CFAP263: variants seen among roughly 807,000 people sequenced by gnomAD.
The protein encoded by CFAP263 is cilia and flagella associated protein 263.
chr16:58,258,137 C>T, the CFAP263 span, among the ~76,000 whole-genome samples: 2 of 151,516 alleles, frequency 1.3e-5, no homozygotes, highest in African/African-American at 4.9e-5. Context: ...AGATAGATAC[C>T]TGACACCTGT....
chr16:58,279,573 C>T, the CFAP263 span: 3 of 800,406 alleles, frequency 3.7e-6, no homozygotes, highest in African/African-American at 5.2e-5. Flanking sequence ...GTTGCCTGCA[C>T]CATCACGGGG....
the CFAP263 span, among the ~76,000 whole-genome samples, chr16:58,255,569 TTTC>T: frequency 6.6e-6 from 1 of 151,620 alleles, no homozygotes; most frequent in Admixed American, 6.6e-5. Context: ...TCAGCATTTC[TTTC>T]TTTTTTTTTT....
chr16:58,278,580 A>T, the CFAP263 span: 1 of 1,614,220 alleles, frequency 6.2e-7, no homozygotes, highest in Admixed American at 1.7e-5. Context: ...AGAAGATCTT[A>T]AATGCGGACC....
the CFAP263 span, among the ~76,000 whole-genome samples, chr16:58,268,926 T>G: frequency 6.6e-6 from 1 of 152,204 alleles, no homozygotes; most frequent in Non-Finnish European, 1.5e-5. Context: ...AATCACCCAT[T>G]TAAAGTGTAC....
At chr16:58,273,951 G>T in the CFAP263 span, among the ~76,000 whole-genome samples, 2 of 152,160 alleles carry the variant, frequency 1.3e-5, no homozygotes, top group Admixed American at 6.5e-5. Context: ...GGATACAATT[G>T]CCCTGACGAC....
chr16:58,262,328 A>T, the CFAP263 span: 1 of 1,504,914 alleles, frequency 6.6e-7, no homozygotes, highest in Non-Finnish European at 9.1e-7. Context: ...GATGTGAGCC[A>T]TACATTCAGA....
At chr16:58,260,646 A>G in the CFAP263 span, among the ~76,000 whole-genome samples, 1 of 152,202 alleles carries the variant, frequency 6.6e-6, no homozygotes, top group South Asian at 2.1e-4. Context: ...GAAAGGCAGT[A>G]AGGCAAACAT....
At chr16:58,250,577 CA>C in the CFAP263 span, 1 of 153,926 alleles carries the variant, frequency 6.5e-6, no homozygotes, top group Non-Finnish European at 1.4e-5. Flanking sequence ...CCAGCCTGGC[CA>C]ACATGGTGAA....
At chr16:58,253,944 C>T in the CFAP263 span, 11 of 1,599,996 alleles carry the variant, frequency 6.9e-6, no homozygotes, top group African/African-American at 1.3e-5. Context: ...CTATCTTGGG[C>T]TGGTTCATTA....
the CFAP263 span, among the ~76,000 whole-genome samples, chr16:58,274,207 G>A: frequency 6.6e-6 from 1 of 152,292 alleles, no homozygotes. Context: ...ACTCTCAGAG[G>A]GCTCTTCTTA....
At chr16:58,279,398 C>T in the CFAP263 span, among the ~76,000 whole-genome samples, 5,691 of 152,246 alleles carry the variant, frequency 0.037, 146 homozygotes, top group East Asian at 0.08. Context: ...AATTTGGGCC[C>T]CTCAGATCCG....
chr16:58,270,006 GT>G, the CFAP263 span, among the ~76,000 whole-genome samples: 1 of 152,116 alleles, frequency 6.6e-6, no homozygotes, highest in East Asian at 1.9e-4. Context: ...GTTATTCTCA[GT>G]TTTTTAAAAA....
the CFAP263 span, chr16:58,249,957 C>G: frequency 2.0e-4 from 243 of 1,211,288 alleles, no homozygotes; most frequent in Non-Finnish European, 2.6e-4. Context: ...GACGCGTGGC[C>G]GCCGGCACCC....
At chr16:58,266,406 T>TATATATATATATA in the CFAP263 span, among the ~76,000 whole-genome samples, 1 of 23,362 alleles carries the variant, frequency 4.3e-5, no homozygotes, top group South Asian at 2.1e-3. Context: ...TATATATATA[T>TATATATATATATA]TTTTTTTTTT....
chr16:58,270,331 ACAC>A, the CFAP263 span, among the ~76,000 whole-genome samples: 1 of 152,206 alleles, frequency 6.6e-6, no homozygotes, highest in African/African-American at 2.4e-5. Context: ...AAATCATCGA[ACAC>A]AAAGTCTGTT....
chr16:58,280,724 G>A, the CFAP263 span: 1 of 1,610,024 alleles, frequency 6.2e-7, no homozygotes, highest in African/African-American at 1.3e-5. Context: ...TCGAACTGCT[G>A]TAGCTGGCAC....
the CFAP263 span, chr16:58,282,322 G>A: frequency 6.6e-6 from 1 of 152,292 alleles, no homozygotes; most frequent in Non-Finnish European, 1.5e-5. Context: ...TGTATTTTTA[G>A]TAGAGATGGG....
chr16:58,262,523 G>T, the CFAP263 span: 1 of 1,607,676 alleles, frequency 6.2e-7, no homozygotes, highest in African/African-American at 1.3e-5. Context: ...CACTCTGCAG[G>T]TTCTCAATGC....
the CFAP263 span, among the ~76,000 whole-genome samples, chr16:58,272,274 C>A: frequency 6.8e-6 from 1 of 148,074 alleles, no homozygotes; most frequent in African/African-American, 2.5e-5. Context: ...CCTCAGCCTC[C>A]CAAAGTGCTG....
Sources: gnomAD v4.1 joint callset for allele counts (sites outside exome capture counted in the v4.1 genomes callset) on GRCh38, gnomAD v4.1.1 for gene constraint, MANE v1.5 for transcripts, NCBI Gene and HGNC (gene_info 2026-07-23, HGNC 2026-07-21) for gene names.